The following TEAD3 variants were observed in gnomAD, a reference collection of about 807,000 sequenced individuals.
The protein encoded by TEAD3 is TEA domain transcription factor 3, also known as transcriptional enhancer factor TEF-5.
TEAD3 carries 15 observed loss-of-function variants against 55.6 expected under a neutral mutation model. That is an observed-to-expected ratio of 0.27 (90% confidence interval 0.18 to 0.42). TEAD3 has a LOEUF of 0.42. TEAD3 is among the 10% of genes least tolerant of loss of function. The pLI, the probability that TEAD3 is intolerant of heterozygous loss-of-function variation, is 1.00. For missense variants in TEAD3, 407 were observed against 576.8 expected, an observed-to-expected ratio of 0.71 and a Z score of 3.01; for synonymous variants, 210 against 232.2, an observed-to-expected ratio of 0.90 and a Z score of 0.87.
chr6:35,478,582 G>C lies in TEAD3; in HGVS notation c.343-11C>G, dbSNP rs1232508989. 6.3e-7 allele frequency: 1 copy of C among 1,576,076 alleles called. No homozygotes were observed. The highest frequency in any genetic ancestry group is 1.4e-5 in the African/African-American group (1 of 73,968). On this transcript the variant is annotated splice_polypyrimidine_tract_variant and intron_variant, in intron 5 of 12. Coordinates refer to ENST00000639578, the Ensembl canonical transcript of TEAD3. ...CTTGGAGACCTGGTCCTGGGGAGAG[G>C]AGGCTGCATGAAGCCAGGGCCACGC...
At chr6:35,478,177 A>G (rs1768191687) in intron 7 of TEAD3, 98 bp downstream of exon 7, 1 of 1,460,270 alleles carries the variant, frequency 6.8e-7, no homozygotes, top group South Asian at 1.2e-5. Flanking sequence ...TTTTTGAATT[A>G]AAACTTTGCT....
rs2150914468 is a variant in TEAD3, at chr6:35,485,621, GGC to G, written c.202+838_202+839del. On this transcript the variant is annotated intron_variant, in intron 2 of 12. Transcript: ENST00000639578. This position sits in a 1 kb window ranked among gnomAD's most constrained non-coding sequence, Gnocchi z 4.3. ...CACCCTGTCTAAAAATACCCTGTGG[GGC>G]TCCCCAGCCTGGGAGGCAGCAGTGG... 6.6e-6 allele frequency among the ~76,000 whole-genome samples: 1 copy of G among 152,256 alleles called. No individual in the cohort carries two copies. Among genetic ancestry groups the G allele is most frequent in the Non-Finnish European group, 1.5e-5 (1 of 68,026 alleles).
At chr6:35,490,443 AGGAACGCTCCT>A (rs916031444) in intron 1 of TEAD3, among the ~76,000 whole-genome samples, 1 of 152,152 alleles carries the variant, frequency 6.6e-6, no homozygotes, top group Non-Finnish European at 1.5e-5. Flanking sequence ...CTCACTTTCT[AGGAACGCTCCT>A]GGGGCAGAGG....
exon 9 of TEAD3, chr6:35,476,435 C>A (rs1581721460): frequency 6.2e-7 from 1 of 1,612,814 alleles, no homozygotes; most frequent in Non-Finnish European, 8.5e-7. Flanking sequence ...GGGCTCATAA[C>A]CTGGGAGGGC....
At chr6:35,476,572 TACA>T (rs34250016) in intron 8 of TEAD3, 137 bp from the exon 9 acceptor site, 544,189 of 1,077,824 alleles carry the variant, frequency 0.5, 146,893 homozygotes, top group Admixed American at 0.57. Flanking sequence ...TGTGTCCTTG[TACA>T]GTGTACAACC....
chr6:35,476,150 GGGGAAGGGAGCACTGCACA>G, intron 9 of TEAD3, 58 bp from the exon 10 acceptor site: 1 of 1,528,492 alleles, frequency 6.5e-7, no homozygotes, highest in Non-Finnish European at 8.8e-7. Flanking sequence ...GCCCGGGGGC[GGGGAAGGGAGCACTGCACA>G]GGTATAGAAT....
intron 8 of TEAD3, among the ~76,000 whole-genome samples, chr6:35,476,787 T>G (rs1768158143): frequency 6.6e-6 from 1 of 152,018 alleles, no homozygotes; most frequent in African/African-American, 2.4e-5. Context: ...AAATGTAGGT[T>G]TTGGTGGTGT....
chr6:35,486,795 C>G lies in TEAD3; in HGVS notation c.-49-84G>C. ...TATCCCACAGCCGCTGGCTCTGGAG[C>G]TCCGCCCCCAGCCCCAAGCCCACCC... On this transcript the variant is annotated intron_variant, in intron 1 of 12. Transcript: ENST00000639578. This position sits in a 1 kb window ranked among gnomAD's most constrained non-coding sequence, Gnocchi z 7.3. 1 of 996,358 alleles carries G rather than the reference C, an allele frequency of 1.0e-6. No individual in the cohort carries two copies. The allele number at this position is 996,358 out of a possible 1,614,324, so 61.7% of individuals were successfully genotyped here. A position where few individuals can be genotyped will look rare whatever the true frequency, so the allele number is the denominator to read the frequency against.
At chr6:35,482,945 C>T (rs1167985020) in intron 3 of TEAD3, among the ~76,000 whole-genome samples, 1 of 152,178 alleles carries the variant, frequency 6.6e-6, no homozygotes, top group Admixed American at 6.5e-5. Flanking sequence ...GCAGCAAATT[C>T]TTCTGCAGCG....
chr6:35,475,905 C>A lies in TEAD3; in HGVS notation c.900+14G>T. The A allele has an allele frequency of 6.6e-7, 1 of 1,520,548 alleles. No homozygotes were observed. Among genetic ancestry groups the A allele is most frequent in the East Asian group, 2.3e-5 (1 of 43,672 alleles). 94.2% of individuals were successfully genotyped at this position (1,520,548 alleles called of 1,614,324 possible). On this transcript the variant is annotated intron_variant, in intron 10 of 12. Coordinates refer to ENST00000639578, the Ensembl canonical transcript of TEAD3. The surrounding 1 kb of genome is among the most constrained non-coding windows in gnomAD (Gnocchi z 5.4). ...GGAAGGGGGCTTGGAGCAGAGAAGG[C>A]CAGGGGGACTCACCCAGAACTTGAC...
At position 35,475,193 on chromosome 6, in the gene TEAD3, G is replaced by A; in HGVS notation, c.1195-36C>T. The A allele has an allele frequency of 6.4e-7, 1 of 1,567,840 alleles. No homozygotes were observed. Among genetic ancestry groups the A allele is most frequent in the South Asian group, 1.2e-5 (1 of 86,176 alleles). Reference sequence around the variant, plus strand: ...AGCAGGTAAGAGATTCAGGAGGTCAGGGAGAAAAGGGCCACGGGGCAGGGG... The same window carrying A: ...AGCAGGTAAGAGATTCAGGAGGTCAAGGAGAAAAGGGCCACGGGGCAGGGG... On this transcript the variant is annotated intron_variant, in intron 12 of 12. Coordinates refer to ENST00000639578, the Ensembl canonical transcript of TEAD3. This position sits in a 1 kb window ranked among gnomAD's most constrained non-coding sequence, Gnocchi z 5.4.
Position 35,474,910 on chromosome 6 carries a change from G to A in TEAD3, c.*134C>T, listed in dbSNP as rs1208884087. 3.6e-5 allele frequency: 24 copies of A among 671,502 alleles called. No homozygotes were observed. The South Asian group carries it at 3.9e-4, about 11-fold the overall frequency. 41.6% of individuals were successfully genotyped at this position (671,502 alleles called of 1,614,324 possible). A position where few individuals can be genotyped will look rare whatever the true frequency, so the allele number is the denominator to read the frequency against. On this transcript the variant is annotated 3_prime_UTR_variant, in exon 13 of 13. Transcript: ENST00000639578. ...GGGAGTGTGTGTGCTGGGGTAGGTG[G>A]GGAGGCCTCCTGGGTCCTGGGCCTG...
At position 35,484,706 on chromosome 6, in the gene TEAD3, A is replaced by G; in HGVS notation, c.203-82T>C. The G allele has an allele frequency of 1.6e-6, 2 of 1,243,688 alleles. No individual in the cohort carries two copies. The highest frequency in any genetic ancestry group is 2.0e-5 in the Admixed American group (1 of 50,402). 77.0% of individuals were successfully genotyped at this position (1,243,688 alleles called of 1,614,324 possible). ...GAGGCCCCCACCCCACCGGGAAGCC[A>G]CTCCAGGACCCTCCCCAAAACACTG... is the stretch of plus-strand genomic sequence containing the variant. On this transcript the variant is annotated intron_variant, in intron 2 of 12. Transcript: ENST00000639578. The surrounding 1 kb of genome is among the most constrained non-coding windows in gnomAD (Gnocchi z 5.8).
rs942916335 is a variant in TEAD3 at position 35,486,766 on chromosome 6, C to T, written c.-49-55G>A. The T allele has an allele frequency of 3.1e-6, 4 of 1,288,118 alleles. No individual in the cohort carries two copies. The Admixed American group carries it at 8.5e-5, about 27-fold the overall frequency. The allele number at this position is 1,288,118 out of a possible 1,614,324, so 79.8% of individuals were successfully genotyped here. On this transcript the variant is annotated intron_variant, in intron 1 of 12. Transcript: ENST00000639578. This position sits in a 1 kb window ranked among gnomAD's most constrained non-coding sequence, Gnocchi z 7.3. ...CAGGGTCCTCCTCGACCACAGCAATCTCCTATCCCACAGCCGCTGGCTCTG... is the reference window on the plus strand; with the variant it reads ...CAGGGTCCTCCTCGACCACAGCAATTTCCTATCCCACAGCCGCTGGCTCTG...
chr6:35,475,911 G>A lies in TEAD3; in HGVS notation c.900+8C>T. 1 of 1,522,160 alleles carries A rather than the reference G, an allele frequency of 6.6e-7. No individual in the cohort carries two copies. Among genetic ancestry groups the A allele is most frequent in the South Asian group, 1.3e-5 (1 of 76,494 alleles). The allele number at this position is 1,522,160 out of a possible 1,614,324, so 94.3% of individuals were successfully genotyped here. A position where few individuals can be genotyped will look rare whatever the true frequency, so the allele number is the denominator to read the frequency against. On this transcript the variant is annotated splice_region_variant and intron_variant, in intron 10 of 12. Coordinates refer to ENST00000639578, the Ensembl canonical transcript of TEAD3. The surrounding 1 kb of genome is among the most constrained non-coding windows in gnomAD (Gnocchi z 5.4). ...GGGCTTGGAGCAGAGAAGGCCAGGG[G>A]GACTCACCCAGAACTTGACAAGGAA...
At chr6:35,479,036 T>C (rs1294886057) in intron 5 of TEAD3, among the ~76,000 whole-genome samples, 1 of 152,030 alleles carries the variant, frequency 6.6e-6, no homozygotes, top group Non-Finnish European at 1.5e-5. Flanking sequence ...TTCGTCACCA[T>C]GCCTGGCTAA....
In TEAD3 at chr6:35,496,016, G is replaced by A. The variant is rs979605650; in HGVS notation, c.-50+882C>T. On this transcript the variant is annotated intron_variant, in intron 1 of 12. Transcript: ENST00000639578. This position sits in a 1 kb window ranked among gnomAD's most constrained non-coding sequence, Gnocchi z 4.8. The stretch of plus-strand genomic sequence containing the variant: ...CTCACCAGGAAAGTTGACAGAGCGG[G>A]GTCTCAATGACACTGCCCCAGGGCC... 1.1e-4 allele frequency among the ~76,000 whole-genome samples: 16 copies of A among 152,178 alleles called. No homozygotes were observed. The highest frequency in any genetic ancestry group is 3.9e-4 in the African/African-American group (16 of 41,458).
intron 1 of TEAD3, among the ~76,000 whole-genome samples, chr6:35,490,484 G>A (rs748029989): frequency 6.6e-6 from 1 of 152,202 alleles, no homozygotes; most frequent in Non-Finnish European, 1.5e-5. Context: ...AGGGGCAAGT[G>A]GCACTCCCCA....
intron 7 of TEAD3, among the ~76,000 whole-genome samples, chr6:35,477,727 C>T (rs1293276879): frequency 6.6e-6 from 1 of 151,304 alleles, no homozygotes; most frequent in Non-Finnish European, 1.5e-5. Flanking sequence ...GAGACTGCCT[C>T]AGAAACTGAG....
Sources: allele counts gnomAD v4.1 joint callset (sites outside exome capture counted in the v4.1 genomes callset), GRCh38; gene constraint gnomAD v4.1.1; non-coding constraint Gnocchi (gnomAD v3.1); transcripts MANE v1.5; gene names NCBI Gene and HGNC (gene_info 2026-07-23, HGNC 2026-07-21).